Variants in ASTN2 observed in about 807,000 individuals in gnomAD.
ASTN2 encodes astrotactin-2.
A neutral mutation model predicts 139.8 loss-of-function variants in ASTN2; 54 were observed. That is an observed-to-expected ratio of 0.39 (90% CI 0.31 to 0.48). The LOEUF (loss-of-function observed/expected upper bound fraction) is 0.48. Among genes scored for constraint, ASTN2 ranks in the 20% least tolerant of loss-of-function variants. The probability of loss-of-function intolerance (pLI) is 0.95; values close to 1 mark genes in which losing one functional copy is unlikely to be tolerated. For synonymous variants in ASTN2, 756 were observed against 719.5 expected (o/e 1.05, Z -0.81); for missense variants, 1,565 against 1,725.1 (o/e 0.91, Z 1.64).
At chr9:116,724,320 A>G (rs773700948) in intron 16 of ASTN2, among the ~76,000 whole-genome samples, 2 of 152,206 alleles carry the variant, frequency 1.3e-5, no homozygotes, top group African/African-American at 4.8e-5. Context: ...AAACGGAGCT[A>G]TTCCCAGACA....
chr9:117,361,751 A>G (rs995184957), intron 1 of ASTN2, among the ~76,000 whole-genome samples: 1 of 152,170 alleles, frequency 6.6e-6, no homozygotes, highest in African/African-American at 2.4e-5. Flanking sequence ...AATTTTATCT[A>G]TACCAATCTC....
intron 16 of ASTN2, among the ~76,000 whole-genome samples, chr9:116,676,864 A>G (rs1451857928): frequency 6.6e-6 from 1 of 152,110 alleles, no homozygotes; most frequent in Non-Finnish European, 1.5e-5. Context: ...GTAGTTTCTG[A>G]TTTCCTCTCT....
chr9:116,492,751 C>A (rs897055025), intron 19 of ASTN2, among the ~76,000 whole-genome samples: 1 of 152,172 alleles, frequency 6.6e-6, no homozygotes, highest in African/African-American at 2.4e-5. Context: ...CATGGTTCCA[C>A]CTTGCCATCT....
chr9:117,322,620 T>C (rs1002555945), intron 1 of ASTN2, among the ~76,000 whole-genome samples: 5 of 152,190 alleles, frequency 3.3e-5, no homozygotes, highest in African/African-American at 1.2e-4. Context: ...TCTTGCTTCC[T>C]ACAGTAGCCA....
chr9:116,747,129 C>T (rs1025525032), intron 13 of ASTN2, among the ~76,000 whole-genome samples: 12 of 152,296 alleles, frequency 7.9e-5, no homozygotes, highest in Non-Finnish European at 1.2e-4. Context: ...ATCTATTCAT[C>T]GTTTACGACG....
intron 11 of ASTN2, among the ~76,000 whole-genome samples, chr9:116,840,147 A>G (rs1832164559): frequency 6.8e-6 from 1 of 147,932 alleles, no homozygotes; most frequent in Non-Finnish European, 1.5e-5. Flanking sequence ...AATCCATTCA[A>G]CCCTGAGTGG....
chr9:116,485,396 G>A (rs1212447611), intron 20 of ASTN2, among the ~76,000 whole-genome samples: 1 of 152,218 alleles, frequency 6.6e-6, no homozygotes, highest in African/African-American at 2.4e-5. Context: ...CCATCTATCA[G>A]AAAATCTTTT....
At chr9:117,188,293 G>C (rs142451700) in intron 3 of ASTN2, among the ~76,000 whole-genome samples, 180 of 152,158 alleles carry the variant, frequency 1.2e-3, no homozygotes, top group Non-Finnish European at 2.0e-3. Context: ...AAGGAGATAA[G>C]ATTAGAATCT....
chr9:117,091,872 A>G (rs1002090196), intron 5 of ASTN2, among the ~76,000 whole-genome samples: 5 of 152,330 alleles, frequency 3.3e-5, no homozygotes, highest in Admixed American at 6.5e-5. Flanking sequence ...CTCTGGCTAC[A>G]TGATTGAGAA....
chr9:117,212,835 C>T lies in ASTN2; in HGVS notation c.1015+1523G>A, dbSNP rs80331145. On this transcript the variant is annotated intron_variant, in intron 3 of 22. Coordinates refer to ENST00000313400, the MANE Select transcript of ASTN2 (RefSeq NM_001365068.1). ...AAAAGAAAACTCATACACTGTCATG[C>T]GAATGTAAACTAGTACAGTCACTAT... Among the ~76,000 whole-genome samples the T allele has an allele frequency of 8.7e-3, 1,330 of 152,150 alleles. 25 individuals carry two copies. The highest frequency in any genetic ancestry group is 0.031 in the African/African-American group (1,268 of 41,540).
At chr9:116,958,398 G>A (rs953396203) in intron 10 of ASTN2, among the ~76,000 whole-genome samples, 9 of 152,040 alleles carry the variant, frequency 5.9e-5, no homozygotes, top group Admixed American at 5.2e-4. Context: ...AGACCATCCT[G>A]GCTAACAAGG....
intron 6 of ASTN2, among the ~76,000 whole-genome samples, chr9:117,026,572 C>A (rs1437230548): frequency 6.6e-6 from 1 of 152,120 alleles, no homozygotes; most frequent in African/African-American, 2.4e-5. Context: ...TTTTCTAGCT[C>A]TACAGGAACT....
chr9:116,726,726 A>G (rs1828635346), intron 15 of ASTN2, among the ~76,000 whole-genome samples: 1 of 151,372 alleles, frequency 6.6e-6, no homozygotes, highest in Admixed American at 6.5e-5. Context: ...AGTCCTCAGC[A>G]CTTAACATGG....
intron 3 of ASTN2, among the ~76,000 whole-genome samples, chr9:117,207,962 G>T (rs539712622): frequency 6.6e-6 from 1 of 152,276 alleles, no homozygotes; most frequent in South Asian, 2.1e-4. Context: ...ATCCAGGACA[G>T]CACAACACAC....
At chr9:116,739,011 T>C (rs1829021671) in intron 13 of ASTN2, among the ~76,000 whole-genome samples, 1 of 150,396 alleles carries the variant, frequency 6.6e-6, no homozygotes, top group African/African-American at 2.4e-5. Context: ...AACATTCACT[T>C]ACACACACAC....
chr9:117,266,931 T>C (rs926045868), intron 2 of ASTN2, among the ~76,000 whole-genome samples: 2 of 152,216 alleles, frequency 1.3e-5, no homozygotes, highest in Admixed American at 6.5e-5. Context: ...CCCCCTCTTC[T>C]TGAGCGTATG....
intron 16 of ASTN2, among the ~76,000 whole-genome samples, chr9:116,656,120 C>T (rs917001311): frequency 1.3e-5 from 2 of 152,138 alleles, no homozygotes; most frequent in African/African-American, 2.4e-5. Context: ...AAGGAAAAGA[C>T]AGCATCAGTT....
chr9:117,176,198 G>C (rs1019646205), intron 3 of ASTN2, among the ~76,000 whole-genome samples: 2 of 152,070 alleles, frequency 1.3e-5, no homozygotes, highest in Non-Finnish European at 2.9e-5. Flanking sequence ...AATATAATAA[G>C]GGTTGTCGAG....
At chr9:116,991,463 T>C (rs1305106911) in intron 7 of ASTN2, among the ~76,000 whole-genome samples, 1 of 152,174 alleles carries the variant, frequency 6.6e-6, no homozygotes, top group African/African-American at 2.4e-5. Context: ...GGGTTCTTTT[T>C]GTCCCTGATT....
Sources: allele counts gnomAD v4.1 joint callset (sites outside exome capture counted in the v4.1 genomes callset), GRCh38; gene constraint gnomAD v4.1.1; transcripts MANE v1.5; gene names NCBI Gene and HGNC (gene_info 2026-07-23, HGNC 2026-07-21).